The following CNTN4 variants were observed in gnomAD, a reference collection of about 807,000 sequenced individuals.
CNTN4 encodes contactin-4.
CNTN4 carries 77 observed loss-of-function variants against 122.5 expected under a neutral mutation model. The ratio of observed to expected loss-of-function variants is 0.63; its 90% confidence interval spans 0.52 to 0.76. The LOEUF (loss-of-function observed/expected upper bound fraction) is 0.76. CNTN4 is among the 30% of genes least tolerant of loss of function. The probability of loss-of-function intolerance (pLI) is 0.00; values close to 1 mark genes in which losing one functional copy is unlikely to be tolerated. For synonymous variants in CNTN4, 512 were observed against 447.0 expected, an observed-to-expected ratio of 1.15 and a Z score of -1.83; for missense variants, 1,256 against 1,259.1, an observed-to-expected ratio of 1.00 and a Z score of 0.04.
intron 3 of CNTN4, among the ~76,000 whole-genome samples, chr3:2,484,226 G>T (rs1025988209): frequency 2.6e-5 from 4 of 152,086 alleles, no homozygotes; most frequent in African/African-American, 9.7e-5. Flanking sequence ...TATGTCATCA[G>T]AGAAATGAAA....
chr3:2,781,982 C>A (rs1028845284), intron 6 of CNTN4, among the ~76,000 whole-genome samples: 5 of 151,456 alleles, frequency 3.3e-5, no homozygotes, highest in Admixed American at 2.0e-4. Flanking sequence ...CTCGGCCTCC[C>A]AAAGTGCTGA....
intron 2 of CNTN4, among the ~76,000 whole-genome samples, chr3:2,235,646 T>G (rs1192963402): frequency 6.6e-6 from 1 of 152,196 alleles, no homozygotes; most frequent in African/African-American, 2.4e-5. Flanking sequence ...TAATGGTTAC[T>G]ATGCCAACTA....
intron 23 of CNTN4, among the ~76,000 whole-genome samples, chr3:3,050,843 T>C (rs1701194843): frequency 6.6e-6 from 1 of 150,954 alleles, no homozygotes; most frequent in Non-Finnish European, 1.5e-5. Context: ...TTACCAGTCA[T>C]GAGACCGGGC....
At chr3:2,305,224 C>T (rs2042662574) in intron 2 of CNTN4, among the ~76,000 whole-genome samples, 1 of 152,112 alleles carries the variant, frequency 6.6e-6, no homozygotes, top group African/African-American at 2.4e-5. Flanking sequence ...AGCTGTCAGC[C>T]TAGCATGGCA....
At position 2,699,156 on chromosome 3, in the gene CNTN4, CA is replaced by C. The variant is rs143041741; in HGVS notation, c.56-37058del. Reference sequence around the variant, plus strand: ...CTTTTAAAATGTCACCAAATCTAATCACTCAGCCCTAAAATACACCCTCAGG... The same window carrying C: ...CTTTTAAAATGTCACCAAATCTAATCCTCAGCCCTAAAATACACCCTCAGG... On this transcript the variant is annotated intron_variant, in intron 4 of 24. Coordinates refer to ENST00000418658, the MANE Select transcript of CNTN4 (RefSeq NM_175607.3). Among the ~76,000 whole-genome samples, 1,240 of 152,298 alleles carry C rather than the reference CA, an allele frequency of 8.1e-3. 27 individuals carry two copies. Among genetic ancestry groups the C allele is most frequent in the African/African-American group, 0.028 (1,148 of 41,560 alleles).
chr3:3,025,971 T>C (rs1698685876), intron 14 of CNTN4, 131 bp from the exon 15 acceptor site: 1 of 863,048 alleles, frequency 1.2e-6, no homozygotes, highest in South Asian at 1.5e-5. Context: ...TGAGGTTTGC[T>C]GGTCACAGCC....
intron 13 of CNTN4, among the ~76,000 whole-genome samples, chr3:2,926,156 A>G (rs755371541): frequency 1.3e-5 from 2 of 151,716 alleles, no homozygotes; most frequent in African/African-American, 2.4e-5. Flanking sequence ...TGCTATGACA[A>G]CCCTTCAATT....
At chr3:2,363,997 A>G (rs2045269605) in intron 3 of CNTN4, among the ~76,000 whole-genome samples, 1 of 152,198 alleles carries the variant, frequency 6.6e-6, no homozygotes, top group Non-Finnish European at 1.5e-5. Context: ...TAGAATATTT[A>G]TAACAGACTA....
intron 3 of CNTN4, among the ~76,000 whole-genome samples, chr3:2,359,192 A>C (rs1173130366): frequency 6.6e-6 from 1 of 152,206 alleles, no homozygotes; most frequent in Non-Finnish European, 1.5e-5. Flanking sequence ...CCAAAGATAC[A>C]TCTGCACCAT....
At position 3,030,876 on chromosome 3, in the gene CNTN4, A is replaced by G. The variant is rs908820920; in HGVS notation, c.1684A>G (p.Met562Val). Residue 562 changes from methionine (M) to valine (V), a missense_variant, in exon 16 of 25, where the codon ATG becomes GTG. Physicochemically the swap from Met to Val is conservative, Grantham distance 21. Transcript: ENST00000418658. ...VGGQDSAGDLMIRNIQLKHAG... is the reference protein window; with the variant it reads ...VGGQDSAGDLVIRNIQLKHAG... ...TCAGCAGGATTCAGCTGGTGATTTG[A>G]TGATCCGAAACATCCAACTGAAGCA... is the stretch of plus-strand genomic sequence containing the variant. The G allele has an allele frequency of 6.2e-7, 1 of 1,613,978 alleles. No homozygotes were observed. The highest frequency in any genetic ancestry group is 1.3e-5 in the African/African-American group (1 of 74,930).
chr3:3,006,312 C>T (rs1358222041), intron 14 of CNTN4, among the ~76,000 whole-genome samples: 10 of 152,158 alleles, frequency 6.6e-5, no homozygotes, highest in Non-Finnish European at 1.3e-4. Flanking sequence ...GTCTTTGACA[C>T]GTCTGGCCCA....
chr3:2,825,745 C>G (rs540758225), intron 7 of CNTN4, among the ~76,000 whole-genome samples: 3 of 152,182 alleles, frequency 2.0e-5, no homozygotes, highest in African/African-American at 7.2e-5. Context: ...GCCAGCTTTC[C>G]TACATTGTTA....
At chr3:2,745,081 C>G (rs1222131480) in intron 5 of CNTN4, among the ~76,000 whole-genome samples, 1 of 152,172 alleles carries the variant, frequency 6.6e-6, no homozygotes, top group Non-Finnish European at 1.5e-5. Context: ...AACTCTGCTG[C>G]AATTTCATCA....
intron 3 of CNTN4, among the ~76,000 whole-genome samples, chr3:2,502,910 A>G (rs1257600486): frequency 6.6e-6 from 1 of 152,140 alleles, no homozygotes; most frequent in African/African-American, 2.4e-5. Context: ...AACTTCCCAA[A>G]TTACACAAGA....
intron 2 of CNTN4, among the ~76,000 whole-genome samples, chr3:2,234,581 A>T (rs2039613368): frequency 6.6e-6 from 1 of 152,124 alleles, no homozygotes. Flanking sequence ...ATGCCCTTTT[A>T]TGAAACTAGC....
intron 4 of CNTN4, among the ~76,000 whole-genome samples, chr3:2,698,049 A>G (rs904190144): frequency 2.6e-5 from 4 of 152,346 alleles, no homozygotes; most frequent in African/African-American, 9.6e-5. Context: ...CCAAGTTAAC[A>G]CATGAAATTA....
At chr3:2,208,647 C>G (rs916407907) in intron 2 of CNTN4, among the ~76,000 whole-genome samples, 1 of 152,096 alleles carries the variant, frequency 6.6e-6, no homozygotes, top group African/African-American at 2.4e-5. Flanking sequence ...TCAAACAGCA[C>G]CACATGCTAC....
At chr3:2,563,980 C>A (rs2079056854) in intron 3 of CNTN4, among the ~76,000 whole-genome samples, 1 of 151,620 alleles carries the variant, frequency 6.6e-6, no homozygotes, top group Non-Finnish European at 1.5e-5. Flanking sequence ...AAATTATGTG[C>A]TATAACTAAG....
chr3:2,119,870 T>A (rs989773760), intron 2 of CNTN4, among the ~76,000 whole-genome samples: 16 of 152,182 alleles, frequency 1.1e-4, no homozygotes, highest in East Asian at 3.9e-4. Flanking sequence ...ATTAATACTT[T>A]AAAAAATTAT....
Sources: allele counts gnomAD v4.1 joint callset (sites outside exome capture counted in the v4.1 genomes callset), GRCh38; gene constraint gnomAD v4.1.1; transcripts MANE v1.5; gene names NCBI Gene and HGNC (gene_info 2026-07-23, HGNC 2026-07-21).